ADCY2: variants seen among roughly 807,000 people sequenced by gnomAD.
ADCY2 encodes the protein adenylate cyclase type 2.
A neutral mutation model predicts 125.2 loss-of-function variants in ADCY2; 31 were observed. That is an observed-to-expected ratio of 0.25 (90% CI 0.19 to 0.33). The LOEUF (loss-of-function observed/expected upper bound fraction) is 0.33, where lower values mean the gene tolerates loss of function less well. Among genes scored for constraint, ADCY2 ranks in the 10% least tolerant of loss-of-function variants. The pLI, the probability that ADCY2 is intolerant of heterozygous loss-of-function variation, is 1.00. For synonymous variants in ADCY2, 512 were observed against 548.4 expected (o/e 0.93, Z 0.93); for missense variants, 904 against 1,418.2 (o/e 0.64, Z 5.82).
At chr5:7,411,061 G>A (rs1468926954) in intron 1 of ADCY2, among the ~76,000 whole-genome samples, 2 of 152,176 alleles carry the variant, frequency 1.3e-5, no homozygotes, top group Admixed American at 6.5e-5. Context: ...CTGTAAGCTC[G>A]TACATCCTCT....
chr5:7,789,556 T>C, intron 19 of ADCY2, 86 bp from the exon 20 acceptor site: 1 of 1,375,570 alleles, frequency 7.3e-7, no homozygotes, highest in Non-Finnish European at 1.0e-6. Context: ...TTTCATTTTG[T>C]TCTTTTTGTT....
chr5:7,624,028 A>T (rs1738041699), intron 3 of ADCY2, among the ~76,000 whole-genome samples: 1 of 152,112 alleles, frequency 6.6e-6, no homozygotes, highest in African/African-American at 2.4e-5. Flanking sequence ...CTGGCCCCAA[A>T]TCTCTGTGAA....
Position 7,695,078 on chromosome 5 carries a change from A to T in ADCY2, c.870-674A>T, listed in dbSNP as rs529234926. On this transcript the variant is annotated intron_variant, in intron 5 of 24. Transcript: ENST00000338316. ...GCTTCTTCATAAGACCTTGATACAAATCAGAAACATGTTATTGTGTAGGAA... is the reference window on the plus strand; with the variant it reads ...GCTTCTTCATAAGACCTTGATACAATTCAGAAACATGTTATTGTGTAGGAA... Among the ~76,000 whole-genome samples, 29 of 152,348 alleles carry T rather than the reference A, an allele frequency of 1.9e-4. 2 individuals carry two copies. The South Asian group carries it at 5.6e-3, about 29-fold the overall frequency.
intron 2 of ADCY2, among the ~76,000 whole-genome samples, chr5:7,450,137 C>G (rs1236521142): frequency 3.3e-5 from 5 of 152,166 alleles, no homozygotes; most frequent in Admixed American, 2.6e-4. Flanking sequence ...ATGTCTCTCA[C>G]TTTAAATCAA....
At chr5:7,810,026 G>C (rs1233714297) in intron 22 of ADCY2, among the ~76,000 whole-genome samples, 1 of 152,158 alleles carries the variant, frequency 6.6e-6, no homozygotes. Context: ...CCATCTCAAT[G>C]GCCCTTCGTT....
At chr5:7,615,579 A>T in intron 3 of ADCY2, among the ~76,000 whole-genome samples, 1 of 152,266 alleles carries the variant, frequency 6.6e-6, no homozygotes, top group Admixed American at 6.5e-5. Context: ...TATTTTATTT[A>T]ATTAATTTGT....
At chr5:7,656,722 A>G (rs892131067) in intron 4 of ADCY2, among the ~76,000 whole-genome samples, 1 of 152,214 alleles carries the variant, frequency 6.6e-6, no homozygotes, top group East Asian at 1.9e-4. Flanking sequence ...GAGGGAGTGC[A>G]CTGTGACTCA....
chr5:7,802,463 T>G lies in ADCY2; in HGVS notation c.2775+99T>G, dbSNP rs1744627137. The G allele has an allele frequency of 7.2e-7, 1 of 1,390,980 alleles. No individual in the cohort carries two copies. 86.2% of individuals were successfully genotyped at this position (1,390,980 alleles called of 1,614,324 possible). A position where few individuals can be genotyped will look rare whatever the true frequency, so the allele number is the denominator to read the frequency against. ...GGATAGTGGCCTATCCCAAAAAAAC[T>G]TGTCCTTTGGCATAATTTCTGGCAG... On this transcript the variant is annotated intron_variant, in intron 21 of 24. Coordinates refer to ENST00000338316, the MANE Select transcript of ADCY2 (RefSeq NM_020546.3). This position sits in a 1 kb window ranked among gnomAD's most constrained non-coding sequence, Gnocchi z 4.6.
chr5:7,723,150 T>G, intron 12 of ADCY2, among the ~76,000 whole-genome samples: 1 of 150,460 alleles, frequency 6.6e-6, no homozygotes. Context: ...TGTTGGAGGG[T>G]GGAGGGTGGG....
chr5:7,610,305 T>C (rs1737533431), intron 3 of ADCY2, among the ~76,000 whole-genome samples: 1 of 152,038 alleles, frequency 6.6e-6, no homozygotes, highest in African/African-American at 2.4e-5. Context: ...ATGGATTCAG[T>C]GAGATGGGCT....
intron 4 of ADCY2, among the ~76,000 whole-genome samples, chr5:7,631,802 A>G (rs148968075): frequency 1.3e-5 from 2 of 152,254 alleles, no homozygotes; most frequent in African/African-American, 4.8e-5. Flanking sequence ...CCTGGAGGCA[A>G]GAAGATTGAA....
rs1007576902 is a variant in ADCY2, at chr5:7,699,123, A to C, written c.1109+749A>C. Among the ~76,000 whole-genome samples the C allele has an allele frequency of 4.8e-4, 34 of 71,472 alleles. 1 individual carries two copies. The highest frequency in any genetic ancestry group is 7.8e-4 in the Non-Finnish European group (31 of 39,706). The allele number at this position is 71,472 out of a possible 152,430, so 46.9% of individuals were successfully genotyped here. A position where few individuals can be genotyped will look rare whatever the true frequency, so the allele number is the denominator to read the frequency against. On this transcript the variant is annotated intron_variant, in intron 7 of 24. Coordinates refer to ENST00000338316, the MANE Select transcript of ADCY2 (RefSeq NM_020546.3). The stretch of plus-strand genomic sequence containing the variant: ...TTTTTTTTTTTTTTTTTTGAGACGG[A>C]GTCTCGCTCTGTCGCCCAGGCTGGA...
At chr5:7,441,926 C>G (rs1741030020) in intron 2 of ADCY2, among the ~76,000 whole-genome samples, 1 of 152,134 alleles carries the variant, frequency 6.6e-6, no homozygotes, top group African/African-American at 2.4e-5. Flanking sequence ...GTCCACCAGC[C>G]CGCCCTCGTC....
rs748528690 is a variant in ADCY2, at chr5:7,414,593, G to T, written c.231G>T (p.Ala77=). 1 of 1,610,708 alleles carries T rather than the reference G, an allele frequency of 6.2e-7. No individual in the cohort carries two copies. Among genetic ancestry groups the T allele is most frequent in the Admixed American group, 1.7e-5 (1 of 59,214 alleles). The change falls in exon 2 of 25, where the codon GCG becomes GCT. Residue 77 remains alanine, a synonymous_variant. Transcript: ENST00000338316. ...ALGLEVEDHV[A]FLITVPTALA... ...CTCAGGAAGTTGAAGACCATGTGGC[G>T]TTTCTAATAACAGTTCCAACTGCCC...
At chr5:7,817,823 CAAAAAAA>C (rs57731885) in intron 23 of ADCY2, among the ~76,000 whole-genome samples, 55 of 78,296 alleles carry the variant, frequency 7.0e-4, no homozygotes, top group African/African-American at 1.2e-3. Flanking sequence ...ACGCTGTCAC[CAAAAAAA>C]AAAAAAAAAA....
intron 16 of ADCY2, among the ~76,000 whole-genome samples, chr5:7,758,046 G>T (rs1317374878): frequency 1.3e-5 from 2 of 152,140 alleles, no homozygotes; most frequent in African/African-American, 4.8e-5. Flanking sequence ...GCGGTGTCCT[G>T]CCCTGGAGTT....
intron 2 of ADCY2, among the ~76,000 whole-genome samples, chr5:7,465,167 A>G (rs1171409198): frequency 6.6e-6 from 1 of 152,242 alleles, no homozygotes; most frequent in East Asian, 1.9e-4. Context: ...CTACAATTCA[A>G]GATGAGATTT....
Position 7,699,679 on chromosome 5 carries a change from T to C in ADCY2, c.1109+1305T>C, listed in dbSNP as rs566600947. ...ACAGCTCACTATGGCCTCTACCTCC[T>C]GAGCCCAGAGTAATCTGCCCACCTC... On this transcript the variant is annotated intron_variant, in intron 7 of 24. Coordinates refer to ENST00000338316, the MANE Select transcript of ADCY2 (RefSeq NM_020546.3). Among the ~76,000 whole-genome samples, 3 of 152,242 alleles carry C rather than the reference T, an allele frequency of 2.0e-5. No individual in the cohort carries two copies. The South Asian group carries it at 6.2e-4, about 32-fold the overall frequency.
At chr5:7,398,845 C>T (rs942497686) in intron 1 of ADCY2, among the ~76,000 whole-genome samples, 2 of 152,230 alleles carry the variant, frequency 1.3e-5, no homozygotes, top group African/African-American at 4.8e-5. Context: ...CTCCCAACAG[C>T]CTGTTTCTAT....
Sources: allele counts gnomAD v4.1 joint callset (sites outside exome capture counted in the v4.1 genomes callset), GRCh38; gene constraint gnomAD v4.1.1; non-coding constraint Gnocchi (gnomAD v3.1); transcripts MANE v1.5; gene names NCBI Gene and HGNC (gene_info 2026-07-23, HGNC 2026-07-21).